SEMA5A: variants seen among roughly 807,000 people sequenced by gnomAD.
SEMA5A encodes the protein semaphorin-5A.
Under a neutral mutation model 135.5 loss-of-function variants are expected in SEMA5A, and 55 were observed. The observed-to-expected ratio is 0.41, with a 90% CI of 0.33 to 0.51. The LOEUF (loss-of-function observed/expected upper bound fraction) is 0.51, where lower values mean the gene tolerates loss of function less well. SEMA5A is among the 20% of genes least tolerant of loss of function. The pLI is 0.37. For missense variants in SEMA5A, 1,290 were observed against 1,419.9 expected, an observed-to-expected ratio of 0.91 and a Z score of 1.47; for synonymous variants, 580 against 546.5, an observed-to-expected ratio of 1.06 and a Z score of -0.85.
intron 9 of SEMA5A, among the ~76,000 whole-genome samples, chr5:9,200,350 A>C (rs1346272862): frequency 6.6e-6 from 1 of 152,206 alleles, no homozygotes; most frequent in Non-Finnish European, 1.5e-5. Context: ...TACTTTTATA[A>C]CTTCTGAAAT....
At chr5:9,189,021 T>C (rs936839642) in intron 11 of SEMA5A, among the ~76,000 whole-genome samples, 2 of 152,222 alleles carry the variant, frequency 1.3e-5, no homozygotes, top group African/African-American at 4.8e-5. Flanking sequence ...CATCTGTCCT[T>C]ACCTTACCTG....
intron 13 of SEMA5A, among the ~76,000 whole-genome samples, chr5:9,134,240 G>A (rs1012023392): frequency 6.6e-6 from 1 of 152,078 alleles, no homozygotes; most frequent in African/African-American, 2.4e-5. Flanking sequence ...CAAACTCTTA[G>A]GCTCAAGCAA....
Position 9,062,968 on chromosome 5 carries a change from T to C in SEMA5A, c.2437A>G (p.Asn813Asp). The C allele has an allele frequency of 1.2e-6, 2 of 1,614,244 alleles. No homozygotes were observed. Among genetic ancestry groups the C allele is most frequent in the Non-Finnish European group, 1.7e-6 (2 of 1,180,040 alleles). ...GIRNRKRVCN[N>D]PEPKYGGMPC... ...ATTCCCCCATACTTGGGTTCGGGGT[T>C]GTTGCAAACACGCTTCCGGTTCCGA... The change falls in exon 18 of 23, where the codon AAC becomes GAC. Residue 813 changes from asparagine to aspartate, a missense_variant. Asn to Asp is a conservative substitution (Grantham distance 23). This residue lies in a region of SEMA5A where 1,029 missense variants were observed against 1,086.6 expected (regional missense o/e 0.95). Transcript: ENST00000382496.
At chr5:9,274,882 A>G (rs1399477495) in intron 5 of SEMA5A, among the ~76,000 whole-genome samples, 1 of 152,176 alleles carries the variant, frequency 6.6e-6, no homozygotes, top group African/African-American at 2.4e-5. Flanking sequence ...GAAAGCAGGA[A>G]AGATCTAAAA....
intron 16 of SEMA5A, among the ~76,000 whole-genome samples, chr5:9,103,041 T>C (rs1400323295): frequency 6.6e-6 from 1 of 152,132 alleles, no homozygotes; most frequent in East Asian, 1.9e-4. Context: ...GGGTATGAGA[T>C]ATTAGATCTT....
At chr5:9,381,948 G>GTA (rs1755630635) in intron 2 of SEMA5A, among the ~76,000 whole-genome samples, 1 of 117,994 alleles carries the variant, frequency 8.5e-6, no homozygotes, top group South Asian at 2.7e-4. Flanking sequence ...CATTTTGTGT[G>GTA]TGTGTGTGTG....
At chr5:9,255,323 C>G (rs1036648806) in intron 5 of SEMA5A, among the ~76,000 whole-genome samples, 1 of 152,282 alleles carries the variant, frequency 6.6e-6, no homozygotes, top group African/African-American at 2.4e-5. Context: ...TTTGTCATAG[C>G]TGGTCAACAT....
intron 12 of SEMA5A, among the ~76,000 whole-genome samples, chr5:9,144,528 C>T (rs1467537058): frequency 6.6e-6 from 1 of 152,152 alleles, no homozygotes; most frequent in Non-Finnish European, 1.5e-5. Context: ...TTGTCCCTCT[C>T]AGCGGGTAGT....
intron 4 of SEMA5A, among the ~76,000 whole-genome samples, chr5:9,335,821 G>A (rs1357757367): frequency 1.3e-5 from 2 of 152,116 alleles, no homozygotes; most frequent in East Asian, 3.9e-4. Flanking sequence ...TTCAACTCTG[G>A]AAATAAATGT....
intron 5 of SEMA5A, among the ~76,000 whole-genome samples, chr5:9,255,819 T>TG (rs1322937173): frequency 1.3e-5 from 2 of 152,194 alleles, no homozygotes; most frequent in African/African-American, 2.4e-5. Flanking sequence ...ACCTCTCTCC[T>TG]GGGTATATTC....
chr5:9,105,151 C>T (rs1739844747), intron 16 of SEMA5A, among the ~76,000 whole-genome samples: 1 of 152,214 alleles, frequency 6.6e-6, no homozygotes. Context: ...TAATCCAAGG[C>T]TCTGGGTTTC....
intron 2 of SEMA5A, among the ~76,000 whole-genome samples, chr5:9,389,322 G>T (rs1007861298): frequency 2.0e-5 from 3 of 152,052 alleles, no homozygotes; most frequent in African/African-American, 7.2e-5. Context: ...ATTTCACATG[G>T]TCTCTAAAAA....
intron 2 of SEMA5A, among the ~76,000 whole-genome samples, chr5:9,409,243 T>C (rs913008257): frequency 8.5e-5 from 13 of 152,190 alleles, no homozygotes; most frequent in African/African-American, 3.1e-4. Context: ...AATGATTCAC[T>C]AGAAAAGACA....
At chr5:9,454,887 C>T (rs1483593649) in intron 1 of SEMA5A, among the ~76,000 whole-genome samples, 2 of 152,034 alleles carry the variant, frequency 1.3e-5, no homozygotes, top group Non-Finnish European at 2.9e-5. Flanking sequence ...AGAAAGTGAA[C>T]AAAAATAAAA....
At chr5:9,153,884 A>G (rs1742774213) in intron 12 of SEMA5A, among the ~76,000 whole-genome samples, 2 of 150,744 alleles carry the variant, frequency 1.3e-5, no homozygotes, top group South Asian at 4.2e-4. Flanking sequence ...TGTCTCTACT[A>G]AAAATACCAA....
chr5:9,190,202 T>C (rs1745022144), intron 11 of SEMA5A, 65 bp downstream of exon 11: 2 of 1,529,604 alleles, frequency 1.3e-6, no homozygotes, highest in East Asian at 2.3e-5. Flanking sequence ...ATGTTTAGAA[T>C]CTAAATCTAA....
chr5:9,315,101 A>T (rs983805991), intron 5 of SEMA5A, among the ~76,000 whole-genome samples: 1 of 152,178 alleles, frequency 6.6e-6, no homozygotes, highest in Non-Finnish European at 1.5e-5. Context: ...ATGGAAATAC[A>T]TCTCCTCACT....
chr5:9,290,308 G>A (rs1372761873), intron 5 of SEMA5A, among the ~76,000 whole-genome samples: 1 of 152,086 alleles, frequency 6.6e-6, no homozygotes, highest in Non-Finnish European at 1.5e-5. Flanking sequence ...ATGATGTTTG[G>A]TTTTCCATTC....
intron 2 of SEMA5A, among the ~76,000 whole-genome samples, chr5:9,396,246 G>GCACACACACACACACACA (rs147262677): frequency 0.012 from 1,739 of 148,902 alleles, 23 homozygotes; most frequent in Admixed American, 0.018. Context: ...GCGCGTGCGT[G>GCACACACACACACACACA]CACACACACA....
Sources: allele counts gnomAD v4.1 joint callset (sites outside exome capture counted in the v4.1 genomes callset), GRCh38; gene constraint gnomAD v4.1.1; regional missense constraint gnomAD v4.1.1; transcripts MANE v1.5; gene names NCBI Gene and HGNC (gene_info 2026-07-23, HGNC 2026-07-21).